Variants in TAOK3 observed in about 807,000 individuals in gnomAD.
TAOK3 encodes serine/threonine-protein kinase TAO3.
A neutral mutation model predicts 120.4 loss-of-function variants in TAOK3; 40 were observed. That is an observed-to-expected ratio of 0.33 (90% confidence interval 0.26 to 0.43). The LOEUF (loss-of-function observed/expected upper bound fraction) is 0.43, where lower values mean the gene tolerates loss of function less well. Among genes scored for constraint, TAOK3 ranks in the 20% least tolerant of loss-of-function variants. TAOK3 has a pLI of 1.00. For synonymous variants in TAOK3, 355 were observed against 387.5 expected (o/e 0.92, Z 0.99); for missense variants, 821 against 1,112.1 (o/e 0.74, Z 3.72).
chr12:118,316,669 C>A (rs1000112317), intron 1 of TAOK3, among the ~76,000 whole-genome samples: 2 of 151,984 alleles, frequency 1.3e-5, no homozygotes, highest in African/African-American at 4.8e-5. Context: ...CCTGGTTCGG[C>A]CTCCCAAAGT....
At chr12:118,338,982 T>C (rs576975695) in intron 1 of TAOK3, among the ~76,000 whole-genome samples, 1 of 151,876 alleles carries the variant, frequency 6.6e-6, no homozygotes, top group Non-Finnish European at 1.5e-5. Context: ...AAGAAAAGCA[T>C]TGCGTACCCT....
chr12:118,201,478 A>C lies in TAOK3; in HGVS notation c.820-15T>G, dbSNP rs1483861460. Reference sequence around the variant, plus strand: ...ACAAAGTCATGCTGATTGAGGGAGGAGGAAAAAATAAACTGATAATGAAGA... The same window carrying C: ...ACAAAGTCATGCTGATTGAGGGAGGCGGAAAAAATAAACTGATAATGAAGA... On this transcript the variant is annotated splice_polypyrimidine_tract_variant and intron_variant, in intron 11 of 20. Coordinates refer to ENST00000392533, the MANE Select transcript of TAOK3 (RefSeq NM_016281.4). The C allele has an allele frequency of 3.8e-6, 6 of 1,594,074 alleles. No individual in the cohort carries two copies. The Admixed American group carries it at 8.7e-5, about 23-fold the overall frequency.
At chr12:118,178,526 C>T (rs1316414434) in intron 15 of TAOK3, among the ~76,000 whole-genome samples, 3 of 152,068 alleles carry the variant, frequency 2.0e-5, no homozygotes, top group Middle Eastern at 3.4e-3. Context: ...GGCATGATCT[C>T]GGCTCACTGC....
intron 2 of TAOK3, among the ~76,000 whole-genome samples, chr12:118,256,971 G>A (rs779614398): frequency 4.6e-5 from 7 of 152,044 alleles, no homozygotes; most frequent in Non-Finnish European, 8.8e-5. Context: ...AAATAATAAC[G>A]GTTGGTATTT....
intron 1 of TAOK3, among the ~76,000 whole-genome samples, chr12:118,277,791 A>C (rs1053190325): frequency 2.0e-5 from 3 of 151,996 alleles, no homozygotes; most frequent in African/African-American, 7.2e-5. Flanking sequence ...TCATCATCAA[A>C]ATGAAAACAT....
chr12:118,189,768 G>A, intron 14 of TAOK3, 39 bp downstream of exon 14: 3 of 1,611,818 alleles, frequency 1.9e-6, no homozygotes, highest in Non-Finnish European at 2.5e-6. Flanking sequence ...TGGGGAGGAG[G>A]GGAAGGAAGG....
chr12:118,327,621 A>T (rs1018178806), intron 1 of TAOK3, among the ~76,000 whole-genome samples: 3 of 152,204 alleles, frequency 2.0e-5, no homozygotes, highest in Non-Finnish European at 4.4e-5. Context: ...CTGGTTCTCA[A>T]ACTCAAGTTT....
At chr12:118,190,889 G>A (rs1465093334) in intron 13 of TAOK3, among the ~76,000 whole-genome samples, 1 of 152,182 alleles carries the variant, frequency 6.6e-6, no homozygotes, top group Non-Finnish European at 1.5e-5. Flanking sequence ...TCATTAAGTG[G>A]CTATAACCCT....
intron 1 of TAOK3, among the ~76,000 whole-genome samples, chr12:118,360,829 A>G (rs948029118): frequency 1.3e-5 from 2 of 152,226 alleles, no homozygotes; most frequent in African/African-American, 2.4e-5. Flanking sequence ...AAGCATTGTA[A>G]TAAGTGGTCA....
intron 3 of TAOK3, among the ~76,000 whole-genome samples, chr12:118,254,856 C>T (rs1037074090): frequency 5.9e-5 from 9 of 152,156 alleles, no homozygotes; most frequent in African/African-American, 2.2e-4. Flanking sequence ...CTCCCTGGTT[C>T]ATGCCATTCT....
intron 13 of TAOK3, among the ~76,000 whole-genome samples, chr12:118,195,809 G>A (rs1321170583): frequency 6.6e-6 from 1 of 152,122 alleles, no homozygotes; most frequent in Non-Finnish European, 1.5e-5. Context: ...CCAGCACTTT[G>A]GGAGGCCAAA....
intron 5 of TAOK3, 123 bp downstream of exon 5, chr12:118,243,292 T>C (rs1367211916): frequency 1.7e-6 from 1 of 601,938 alleles, no homozygotes; most frequent in East Asian, 3.0e-5. Context: ...TGTTAAATAC[T>C]GATAACAAAA....
At chr12:118,246,548 C>T (rs1003899890) in intron 3 of TAOK3, 7 of 1,548,222 alleles carry the variant, frequency 4.5e-6, no homozygotes, top group Non-Finnish European at 6.1e-6. Flanking sequence ...GTGGGGCCAT[C>T]ATCCTGGCCA....
intron 1 of TAOK3, among the ~76,000 whole-genome samples, chr12:118,350,095 T>C (rs2045067821): frequency 6.6e-6 from 1 of 152,238 alleles, no homozygotes; most frequent in Non-Finnish European, 1.5e-5. Context: ...CTAAACTGTA[T>C]TGAATAGCCC....
chr12:118,325,612 G>A (rs1320948467), intron 1 of TAOK3, among the ~76,000 whole-genome samples: 2 of 151,730 alleles, frequency 1.3e-5, no homozygotes, highest in East Asian at 3.9e-4. Flanking sequence ...ATACATTCTG[G>A]GTATTAATCC....
intron 1 of TAOK3, among the ~76,000 whole-genome samples, chr12:118,267,239 G>C (rs560270912): frequency 6.6e-6 from 1 of 151,456 alleles, no homozygotes; most frequent in Non-Finnish European, 1.5e-5. Flanking sequence ...TTTTTGAGAC[G>C]GAGTCTTGCT....
chr12:118,170,216 T>C (rs1039713308), intron 17 of TAOK3, among the ~76,000 whole-genome samples: 1 of 151,936 alleles, frequency 6.6e-6, no homozygotes, highest in African/African-American at 2.4e-5. Flanking sequence ...CTTTCTAGGC[T>C]TTTTCTCCCT....
At chr12:118,288,834 T>G (rs891038699) in intron 1 of TAOK3, among the ~76,000 whole-genome samples, 3 of 149,322 alleles carry the variant, frequency 2.0e-5, no homozygotes, top group African/African-American at 7.4e-5. Flanking sequence ...GAGAACAGGT[T>G]GAACCCAGGA....
In TAOK3 at chr12:118,161,565, T is replaced by C. The variant is rs1592981827; in HGVS notation, c.2139+223A>G. On this transcript the variant is annotated intron_variant, in intron 18 of 20. Coordinates refer to ENST00000392533, the MANE Select transcript of TAOK3 (RefSeq NM_016281.4). The surrounding 1 kb of genome is among the most constrained non-coding windows in gnomAD (Gnocchi z 4.5). ...ATTCCATAATGGATATGATGACAAA[T>C]TGATAGATAATGTAGTATAATAATA... Among the ~76,000 whole-genome samples, 1 of 152,196 alleles carries C rather than the reference T, an allele frequency of 6.6e-6. No individual in the cohort carries two copies. Among genetic ancestry groups the C allele is most frequent in the African/African-American group, 2.4e-5 (1 of 41,456 alleles).
Sources: gnomAD v4.1 joint callset for allele counts (sites outside exome capture counted in the v4.1 genomes callset) on GRCh38, gnomAD v4.1.1 for gene constraint, Gnocchi (gnomAD v3.1) non-coding constraint, MANE v1.5 for transcripts, NCBI Gene and HGNC (gene_info 2026-07-23, HGNC 2026-07-21) for gene names.